Variants in KLF15 observed in about 807,000 individuals in gnomAD.
KLF15 encodes KLF transcription factor 15, also known as Krueppel-like factor 15.
In KLF15, 4 loss-of-function variants were observed where a neutral mutation model predicts 24.6. The observed-to-expected ratio is 0.16, with a 90% CI of 0.08 to 0.37. KLF15 has a LOEUF of 0.37. KLF15 is among the 10% of genes least tolerant of loss of function. The pLI is 1.00. For missense variants in KLF15, 496 were observed against 560.6 expected (o/e 0.88, Z 1.16); for synonymous variants, 246 against 236.3 (o/e 1.04, Z -0.37).
chr3:126,290,511 C>CCTTCCTT, the KLF15 span, among the ~76,000 whole-genome samples: 5 of 133,396 alleles, frequency 3.7e-5, no homozygotes, highest in African/African-American at 1.2e-4. Flanking sequence ...TTCCTACCTT[C>CCTTCCTT]CTTCCTTCCT....
chr3:126,357,221 G>T lies in KLF15; in HGVS notation c.-26+16C>A, dbSNP rs1188727138. ...CGCGTCCACGCGGCCGGCCGGCCCC[G>T]CCGCGCCTCTCCCACCTGAACTTGG... On this transcript the variant is annotated intron_variant, in intron 1 of 2. Coordinates refer to ENST00000296233, the MANE Select transcript of KLF15 (RefSeq NM_014079.4). 2.0e-5 allele frequency: 3 copies of T among 149,946 alleles called. No homozygotes were observed. The highest frequency in any genetic ancestry group is 6.6e-5 in the Admixed American group (1 of 15,086). 9.3% of individuals were successfully genotyped at this position (149,946 alleles called of 1,614,324 possible).
At chr3:126,339,471 T>C (rs1200169320), downstream of KLF15, among the ~76,000 whole-genome samples, 1 of 152,114 alleles carries the variant, frequency 6.6e-6, no homozygotes, top group African/African-American at 2.4e-5. Flanking sequence ...CATCGAGATG[T>C]GCACTTTCCA....
the KLF15 span, among the ~76,000 whole-genome samples, chr3:126,311,820 T>C: frequency 6.6e-6 from 1 of 152,182 alleles, no homozygotes; most frequent in African/African-American, 2.4e-5. Flanking sequence ...TCCTAAGAGA[T>C]CGGGAGTGGG....
In KLF15 at chr3:126,343,666, T is replaced by TA. The variant is rs1322449170; in HGVS notation, c.*60dup. The TA allele has an allele frequency of 2.0e-6, 3 of 1,513,628 alleles. No individual in the cohort carries two copies. The highest frequency in any genetic ancestry group is 2.7e-6 in the Non-Finnish European group (3 of 1,116,642). 93.8% of individuals were successfully genotyped at this position (1,513,628 alleles called of 1,614,324 possible). ...TGGAGGAGGCAAATAAATTATTGCT[T>TA]AAAAAAATGGGGATGGGGTGGGGAT... is the stretch of plus-strand genomic sequence containing the variant. On this transcript the variant is annotated 3_prime_UTR_variant, in exon 3 of 3. Coordinates refer to ENST00000296233, the MANE Select transcript of KLF15 (RefSeq NM_014079.4).
At chr3:126,323,419 ATATATATATATATATAACATATATATGT>A in the KLF15 span, among the ~76,000 whole-genome samples, 6,434 of 45,756 alleles carry the variant, frequency 0.14, 229 homozygotes, top group Middle Eastern at 0.21. Context: ...ATATATATAT[ATATATATATATATATAACATATATATGT>A]TATATATATA....
chr3:126,352,870 G>A lies in KLF15; in HGVS notation c.53C>T (p.Pro18Leu). Residue 18 changes from proline to leucine, a missense_variant, in exon 2 of 3, where the codon CCA becomes CTA. Physicochemically the swap from Pro to Leu is moderately conservative, Grantham distance 98. Transcript: ENST00000296233. ...CAGCCTATCACCCAGATACCCAACT[G>A]GGCATTTTGGCGACGAGAAGTTCTC... ...VDENFSSPKCPVGYLGDRLVG... is the reference protein window; with the variant it reads ...VDENFSSPKCLVGYLGDRLVG... 1.9e-6 allele frequency: 3 copies of A among 1,612,314 alleles called. No individual in the cohort carries two copies. Among genetic ancestry groups the A allele is most frequent in the Non-Finnish European group, 2.5e-6 (3 of 1,179,586 alleles).
chr3:126,295,078 ACACATAGATG>A, the KLF15 span, among the ~76,000 whole-genome samples: 1 of 152,362 alleles, frequency 6.6e-6, no homozygotes, highest in African/African-American at 2.4e-5. Flanking sequence ...GCATATAGAT[ACACATAGATG>A]CACATGAGCA....
At chr3:126,303,445 T>A in the KLF15 span, among the ~76,000 whole-genome samples, 1 of 152,148 alleles carries the variant, frequency 6.6e-6, no homozygotes, top group Admixed American at 6.5e-5. Flanking sequence ...TCCTTCAGCA[T>A]TTAGATGATA....
chr3:126,296,555 T>C, the KLF15 span, among the ~76,000 whole-genome samples: 2 of 152,362 alleles, frequency 1.3e-5, no homozygotes, highest in Non-Finnish European at 2.9e-5. Context: ...GCAATTTAGA[T>C]GCCTTGTCTT....
the KLF15 span, among the ~76,000 whole-genome samples, chr3:126,309,764 G>A: frequency 6.6e-6 from 1 of 152,126 alleles, no homozygotes; most frequent in South Asian, 2.1e-4. Context: ...GTAGCACCAG[G>A]CAGAGAATGT....
chr3:126,307,719 G>A, the KLF15 span, among the ~76,000 whole-genome samples: 1 of 152,216 alleles, frequency 6.6e-6, no homozygotes, highest in Admixed American at 6.5e-5. Flanking sequence ...ACCAGAACAG[G>A]TCATGTTGGG....
At chr3:126,316,845 G>A in the KLF15 span, among the ~76,000 whole-genome samples, 4 of 152,082 alleles carry the variant, frequency 2.6e-5, no homozygotes, top group Admixed American at 2.6e-4. Context: ...ACTGCCTGGG[G>A]CAGCAGGGGC....
chr3:126,320,653 A>C, the KLF15 span, among the ~76,000 whole-genome samples: 1 of 152,202 alleles, frequency 6.6e-6, no homozygotes, highest in African/African-American at 2.4e-5. Flanking sequence ...CTCCAGCAGT[A>C]GCCTAAGAAG....
chr3:126,339,032 T>C (rs2082460120), downstream of KLF15, among the ~76,000 whole-genome samples: 1 of 152,152 alleles, frequency 6.6e-6, no homozygotes, highest in Non-Finnish European at 1.5e-5. Flanking sequence ...TGCGCCAGGA[T>C]GGCTTGGAGA....
intron 2 of KLF15, 74 bp downstream of exon 2, chr3:126,351,767 C>T (rs1409943406): frequency 1.6e-6 from 2 of 1,216,426 alleles, no homozygotes; most frequent in South Asian, 1.4e-5. Flanking sequence ...TGGAAAATGG[C>T]CCTGCTGCAC....
chr3:126,333,587 T>C, the KLF15 span, among the ~76,000 whole-genome samples: 4 of 141,914 alleles, frequency 2.8e-5, no homozygotes, highest in African/African-American at 1.1e-4. Context: ...ACTTTAAATG[T>C]AAATGGACTA....
intron 2 of KLF15, among the ~76,000 whole-genome samples, chr3:126,346,169 T>C (rs921229657): frequency 6.6e-6 from 1 of 152,156 alleles, no homozygotes; most frequent in African/African-American, 2.4e-5. Flanking sequence ...ACACCTGTGC[T>C]CCTGGGCAGG....
the KLF15 span, among the ~76,000 whole-genome samples, chr3:126,305,203 G>A: frequency 6.6e-6 from 1 of 152,146 alleles, no homozygotes; most frequent in Non-Finnish European, 1.5e-5. Context: ...TTTCATCTAT[G>A]GCCTGGATTT....
rs1192314961 is a variant in KLF15, at chr3:126,356,258, G to A, written c.-26+979C>T. 6.6e-6 allele frequency among the ~76,000 whole-genome samples: 1 copy of A among 152,158 alleles called. No homozygotes were observed. The highest frequency in any genetic ancestry group is 1.5e-5 in the Non-Finnish European group (1 of 68,020). On this transcript the variant is annotated intron_variant, in intron 1 of 2. Transcript: ENST00000296233. This position sits in a 1 kb window ranked among gnomAD's most constrained non-coding sequence, Gnocchi z 4.4. ...AGTCCGGGCGTCCTCACACCTGTAG[G>A]GCGGCAGGGTCTCCCCAGGGGCCAC...
Sources: allele counts gnomAD v4.1 joint callset (sites outside exome capture counted in the v4.1 genomes callset), GRCh38; gene constraint gnomAD v4.1.1; non-coding constraint Gnocchi (gnomAD v3.1); transcripts MANE v1.5; gene names NCBI Gene and HGNC (gene_info 2026-07-23, HGNC 2026-07-21).